Variants in TENM4 observed in about 807,000 individuals in gnomAD.
TENM4 encodes the protein teneurin transmembrane protein 4, also known as teneurin-4.
In TENM4, 82 loss-of-function variants were observed where a neutral mutation model predicts 243.3. The observed-to-expected ratio is 0.34, with a 90% CI of 0.28 to 0.40. The LOEUF (loss-of-function observed/expected upper bound fraction) is 0.40, where lower values mean the gene tolerates loss of function less well. Ranked by LOEUF, TENM4 falls within the 10% of genes least tolerant of loss-of-function variation. TENM4 has a pLI of 1.00. For missense variants in TENM4, 3,138 were observed against 3,673.3 expected (o/e 0.85, Z 3.77); for synonymous variants, 1,412 against 1,456.3 (o/e 0.97, Z 0.69).
At chr11:79,368,406 C>T (rs144378175) in intron 1 of TENM4, among the ~76,000 whole-genome samples, 96 of 152,328 alleles carry the variant, frequency 6.3e-4, no homozygotes, top group African/African-American at 1.8e-3. Context: ...GAATTAAATA[C>T]GCAGTAATGT....
intron 12 of TENM4, among the ~76,000 whole-genome samples, chr11:78,848,988 C>G (rs909800963): frequency 6.6e-6 from 1 of 152,146 alleles, no homozygotes; most frequent in Non-Finnish European, 1.5e-5. Flanking sequence ...GCAAGTTTCT[C>G]GTAAAAATTC....
At chr11:78,782,038 T>C (rs1393027552) in intron 16 of TENM4, among the ~76,000 whole-genome samples, 1 of 152,204 alleles carries the variant, frequency 6.6e-6, no homozygotes, top group Admixed American at 6.5e-5. Flanking sequence ...GGTCCTGTTG[T>C]GAGTGAATGC....
chr11:79,372,779 G>A (rs1011871386), intron 1 of TENM4, among the ~76,000 whole-genome samples: 1 of 152,108 alleles, frequency 6.6e-6, no homozygotes, highest in African/African-American at 2.4e-5. Context: ...TAAATATCAG[G>A]TTCTACATTA....
At chr11:79,381,659 A>G (rs1858006620) in intron 1 of TENM4, among the ~76,000 whole-genome samples, 1 of 151,292 alleles carries the variant, frequency 6.6e-6, no homozygotes, top group African/African-American at 2.4e-5. Flanking sequence ...GGGTTCAAGG[A>G]GTACTGTGAT....
intron 6 of TENM4, among the ~76,000 whole-genome samples, chr11:78,911,099 A>C (rs1344960811): frequency 6.6e-6 from 1 of 152,276 alleles, no homozygotes; most frequent in Non-Finnish European, 1.5e-5. Flanking sequence ...TGATGAAGGG[A>C]CAATGTATGA....
intron 1 of TENM4, among the ~76,000 whole-genome samples, chr11:79,308,038 C>T (rs1856655647): frequency 6.6e-6 from 1 of 152,144 alleles, no homozygotes; most frequent in African/African-American, 2.4e-5. Flanking sequence ...TGCACAGGGC[C>T]CAGGGAATTG....
At chr11:79,364,825 T>G (rs1187950104) in intron 1 of TENM4, among the ~76,000 whole-genome samples, 8 of 152,194 alleles carry the variant, frequency 5.3e-5, no homozygotes, top group African/African-American at 1.9e-4. Flanking sequence ...TACATTTGCT[T>G]TAAATATCAG....
chr11:79,416,312 G>A (rs1045324637), intron 1 of TENM4, among the ~76,000 whole-genome samples: 6 of 152,184 alleles, frequency 3.9e-5, no homozygotes, highest in African/African-American at 1.4e-4. Flanking sequence ...TTAAGAAGCT[G>A]CCAAGCTGTT....
intron 1 of TENM4, among the ~76,000 whole-genome samples, chr11:79,398,329 T>G (rs909344559): frequency 1.3e-5 from 2 of 152,138 alleles, no homozygotes; most frequent in Non-Finnish European, 2.9e-5. Context: ...GCATCTCACC[T>G]GGCTCAGTGG....
At chr11:78,802,112 T>C (rs534344230) in intron 15 of TENM4, among the ~76,000 whole-genome samples, 4 of 152,332 alleles carry the variant, frequency 2.6e-5, no homozygotes, top group East Asian at 3.9e-4. Context: ...AACAGAAAGA[T>C]AGTTTCTTGG....
intron 2 of TENM4, among the ~76,000 whole-genome samples, chr11:79,237,172 TA>T (rs1387015325): frequency 6.7e-6 from 1 of 149,730 alleles, no homozygotes; most frequent in African/African-American, 2.5e-5. Context: ...GTAAGCTCCT[TA>T]AAGAGAAGAG....
At chr11:79,058,202 A>T (rs11237703) in intron 6 of TENM4, among the ~76,000 whole-genome samples, 19,177 of 152,210 alleles carry the variant, frequency 0.13, 1,385 homozygotes, top group Non-Finnish European at 0.17. Context: ...TTGAGCTAAC[A>T]TGAACGTGTC....
rs375392743 is a variant in TENM4 at position 78,729,494 on chromosome 11, C to G, written c.3288G>C (p.Ala1096=). The G allele has an allele frequency of 1.9e-6, 3 of 1,613,638 alleles. No individual in the cohort carries two copies. The highest frequency in any genetic ancestry group is 1.6e-4 in the Middle Eastern group (1 of 6,062). The part of the protein sequence containing the change: ...FNLMKVHLMV[A]VEGRLFRKWF... ...ACTTCCTGAAGAGGCGGCCCTCCAC[C>G]GCTACCATGAGGTGCACCTTCATGA... The change falls in exon 22 of 34, where the codon GCG becomes GCC. Residue 1096 remains alanine, a synonymous_variant. Transcript: ENST00000278550.
intron 6 of TENM4, among the ~76,000 whole-genome samples, chr11:78,927,512 G>C (rs1221217059): frequency 6.6e-6 from 1 of 152,190 alleles, no homozygotes; most frequent in African/African-American, 2.4e-5. Flanking sequence ...CTAGGGGATG[G>C]AATGGGACTT....
chr11:79,257,893 A>G (rs965096405), intron 2 of TENM4, among the ~76,000 whole-genome samples: 1 of 152,192 alleles, frequency 6.6e-6, no homozygotes, highest in Non-Finnish European at 1.5e-5. Flanking sequence ...GGTACTGGCA[A>G]ATGTTCAAAA....
At chr11:79,129,531 TG>T (rs566445753) in intron 4 of TENM4, among the ~76,000 whole-genome samples, 1 of 152,012 alleles carries the variant, frequency 6.6e-6, no homozygotes, top group African/African-American at 2.4e-5. Flanking sequence ...TGCTGTTTGT[TG>T]GGGGGTAGGG....
At chr11:78,767,582 C>T (rs924618742) in intron 18 of TENM4, among the ~76,000 whole-genome samples, 7 of 152,320 alleles carry the variant, frequency 4.6e-5, no homozygotes, top group African/African-American at 1.7e-4. Flanking sequence ...CCTCTCTGGG[C>T]TCCAGTTGTC....
chr11:78,910,855 G>C (rs146897895), intron 6 of TENM4, among the ~76,000 whole-genome samples: 23 of 152,272 alleles, frequency 1.5e-4, no homozygotes, highest in Admixed American at 1.2e-3. Flanking sequence ...AGTGCTCAAG[G>C]CTTCTAAACA....
chr11:78,885,517 G>GT (rs1385811890), intron 9 of TENM4, among the ~76,000 whole-genome samples: 2 of 152,238 alleles, frequency 1.3e-5, no homozygotes, highest in African/African-American at 2.4e-5. Flanking sequence ...TCTGTTGGTG[G>GT]TAAGTGCTGA....
Sources: gnomAD v4.1 joint callset for allele counts (sites outside exome capture counted in the v4.1 genomes callset) on GRCh38, gnomAD v4.1.1 for gene constraint, MANE v1.5 for transcripts, NCBI Gene and HGNC (gene_info 2026-07-23, HGNC 2026-07-21) for gene names.